Variants in SH3D19 observed in about 807,000 individuals in gnomAD.
SH3D19 encodes SH3 domain containing 19, also known as SH3 domain-containing protein 19.
Under a neutral mutation model 112.1 loss-of-function variants are expected in SH3D19, and 58 were observed. That is an observed-to-expected ratio of 0.52 (90% confidence interval 0.42 to 0.64). The LOEUF is 0.64. SH3D19 is among the 30% of genes least tolerant of loss of function. The probability of loss-of-function intolerance (pLI) is 0.00; values close to 1 mark genes in which losing one functional copy is unlikely to be tolerated. For synonymous variants in SH3D19, 391 were observed against 448.5 expected (o/e 0.87, Z 1.62); for missense variants, 1,090 against 1,263.4 (o/e 0.86, Z 2.08).
intron 1 of SH3D19, among the ~76,000 whole-genome samples, chr4:151,267,740 G>C (rs1032506488): frequency 6.6e-6 from 1 of 152,142 alleles, no homozygotes; most frequent in African/African-American, 2.4e-5. Context: ...AATGTATTTT[G>C]TTAGTGACCA....
rs1751564382 is a variant in SH3D19, at chr4:151,135,240, C to T, written c.2428-108G>A. On this transcript the variant is annotated intron_variant, in intron 14 of 19. Coordinates refer to ENST00000604030, the MANE Select transcript of SH3D19 (RefSeq NM_001378122.1). ...ACATGACTGAAATCGATCGGTTTAG[C>T]TAGGTGTTAATCTGATTAAGAGGAA... The T allele has an allele frequency of 6.2e-6, 5 of 812,730 alleles. No homozygotes were observed. In the East Asian group the frequency reaches 1.4e-4, roughly 23 times the overall value. 50.3% of individuals were successfully genotyped at this position (812,730 alleles called of 1,614,324 possible).
chr4:151,310,384 G>GA (rs539478738), intron 1 of SH3D19, among the ~76,000 whole-genome samples: 13 of 150,026 alleles, frequency 8.7e-5, no homozygotes, highest in South Asian at 2.1e-4. Flanking sequence ...ACCAAACAAA[G>GA]AAAAAAAAAT....
intron 1 of SH3D19, among the ~76,000 whole-genome samples, chr4:151,316,080 C>A (rs1284560349): frequency 6.6e-6 from 1 of 152,052 alleles, no homozygotes; most frequent in Admixed American, 6.6e-5. Flanking sequence ...ACTACCTCTG[C>A]CAGGTAATCA....
intron 7 of SH3D19, among the ~76,000 whole-genome samples, chr4:151,166,600 T>C (rs1561266967): frequency 6.6e-6 from 1 of 152,098 alleles, no homozygotes; most frequent in Non-Finnish European, 1.5e-5. Context: ...CATGAGACTG[T>C]CTTTGCTTTT....
At chr4:151,291,288 C>T in intron 1 of SH3D19, 1 of 1,613,986 alleles carries the variant, frequency 6.2e-7, no homozygotes, top group Non-Finnish European at 8.5e-7. Context: ...ATCTAGACTT[C>T]TCTGACTTCT....
chr4:151,190,102 T>A (rs1203024333), intron 2 of SH3D19, among the ~76,000 whole-genome samples: 1 of 152,176 alleles, frequency 6.6e-6, no homozygotes, highest in Non-Finnish European at 1.5e-5. Flanking sequence ...TGGTGGCATT[T>A]TGCATCTGCC....
chr4:151,313,100 A>T (rs1458334068), intron 1 of SH3D19, among the ~76,000 whole-genome samples: 2 of 150,952 alleles, frequency 1.3e-5, no homozygotes, highest in African/African-American at 4.9e-5. Context: ...AAAAAAAAAA[A>T]AAAATGCAGA....
intron 1 of SH3D19, among the ~76,000 whole-genome samples, chr4:151,285,337 A>C (rs1774643321): frequency 6.6e-6 from 1 of 152,232 alleles, no homozygotes; most frequent in Admixed American, 6.5e-5. Context: ...CATTCTCCAG[A>C]ATAAACCATA....
At chr4:151,211,658 C>T (rs113063989) in intron 2 of SH3D19, among the ~76,000 whole-genome samples, 3 of 152,040 alleles carry the variant, frequency 2.0e-5, no homozygotes, top group African/African-American at 7.2e-5. Flanking sequence ...GTGAAACAGC[C>T]TTGTTGCTGA....
chr4:151,270,384 C>G (rs1422945542), intron 1 of SH3D19, among the ~76,000 whole-genome samples: 1 of 152,142 alleles, frequency 6.6e-6, no homozygotes, highest in East Asian at 1.9e-4. Flanking sequence ...CTTGCTTTCA[C>G]CATGTGATGT....
chr4:151,183,143 C>G (rs1761215480), intron 3 of SH3D19, among the ~76,000 whole-genome samples: 1 of 151,918 alleles, frequency 6.6e-6, no homozygotes, highest in Non-Finnish European at 1.5e-5. Flanking sequence ...AGGTGCCCAC[C>G]ACTGCGCCGG....
Position 151,176,865 on chromosome 4 carries a change from T to G in SH3D19, c.327A>C (p.Thr109=). ...GCCTCCAAGAGCCTGCTGCAGATGA[T>G]GTAGGAAATCCCAGTCCTGGGGGTG... ...GTPPPGLGFP[T]SSAAGSWRPN... is the part of the protein sequence containing the mutation. The change falls in exon 5 of 20, where the codon ACA becomes ACC. Residue 109 remains threonine, a synonymous_variant. Coordinates refer to ENST00000604030, the MANE Select transcript of SH3D19 (RefSeq NM_001378122.1). The G allele has an allele frequency of 8.1e-7, 1 of 1,232,190 alleles. No homozygotes were observed. Among genetic ancestry groups the G allele is most frequent in the Non-Finnish European group, 1.0e-6 (1 of 987,970 alleles). The allele number at this position is 1,232,190 out of a possible 1,614,324, so 76.3% of individuals were successfully genotyped here.
chr4:151,228,358 C>A lies in SH3D19; in HGVS notation c.113-2272G>T, dbSNP rs566855683. On this transcript the variant is annotated intron_variant, in intron 1 of 19. Coordinates refer to ENST00000604030, the MANE Select transcript of SH3D19 (RefSeq NM_001378122.1). ...ATATTTCCCATCCCTCACCTCTTGA[C>A]CATGAAAAACAAATTGAAACACATG... 3.3e-5 allele frequency among the ~76,000 whole-genome samples: 5 copies of A among 152,266 alleles called. No individual in the cohort carries two copies. The East Asian group carries it at 9.7e-4, about 29-fold the overall frequency.
chr4:151,204,931 C>T (rs2149893576), intron 2 of SH3D19, among the ~76,000 whole-genome samples: 1 of 152,104 alleles, frequency 6.6e-6, no homozygotes, highest in East Asian at 1.9e-4. Context: ...AGTGATTCTC[C>T]TGCCTCAGTC....
intron 17 of SH3D19, among the ~76,000 whole-genome samples, chr4:151,131,572 T>C (rs924059992): frequency 1.3e-5 from 2 of 149,194 alleles, no homozygotes; most frequent in Admixed American, 6.7e-5. Flanking sequence ...CTGCAAACTC[T>C]GCCCCCCGGG....
intron 1 of SH3D19, among the ~76,000 whole-genome samples, chr4:151,252,720 A>G (rs905351253): frequency 6.6e-6 from 1 of 152,190 alleles, no homozygotes; most frequent in Non-Finnish European, 1.5e-5. Context: ...GACATCGATC[A>G]AGCATCTTAA....
intron 1 of SH3D19, among the ~76,000 whole-genome samples, chr4:151,233,264 A>G (rs1769755054): frequency 6.6e-6 from 1 of 151,994 alleles, no homozygotes; most frequent in African/African-American, 2.4e-5. Context: ...TAATAATAAT[A>G]TAAATAAAGT....
At chr4:151,126,716 G>A (rs1482432691) in intron 19 of SH3D19, among the ~76,000 whole-genome samples, 1 of 32,088 alleles carries the variant, frequency 3.1e-5, no homozygotes, top group African/African-American at 5.8e-5. Context: ...GGAGAATGGC[G>A]TGAACCGGGA....
At chr4:151,177,262 T>G (rs1760093889) in intron 4 of SH3D19, among the ~76,000 whole-genome samples, 1 of 152,180 alleles carries the variant, frequency 6.6e-6, no homozygotes, top group Non-Finnish European at 1.5e-5. Context: ...ATCTCTTCAT[T>G]CCAGGGCTAT....
Sources: gnomAD v4.1 joint callset for allele counts (sites outside exome capture counted in the v4.1 genomes callset) on GRCh38, gnomAD v4.1.1 for gene constraint, MANE v1.5 for transcripts, NCBI Gene and HGNC (gene_info 2026-07-23, HGNC 2026-07-21) for gene names.